Variants in MTMR10 observed in about 807,000 individuals in gnomAD.
MTMR10 encodes myotubularin-related protein 10.
MTMR10 carries 56 observed loss-of-function variants against 88.1 expected under a neutral mutation model. The observed-to-expected ratio is 0.64, with a 90% CI of 0.51 to 0.79. MTMR10 has a LOEUF of 0.79. MTMR10 is among the 30% of genes least tolerant of loss of function. The probability of loss-of-function intolerance (pLI) is 0.00; values close to 1 mark genes in which losing one functional copy is unlikely to be tolerated. For missense variants in MTMR10, 883 were observed against 924.7 expected, an observed-to-expected ratio of 0.95 and a Z score of 0.58; for synonymous variants, 380 against 340.9, an observed-to-expected ratio of 1.11 and a Z score of -1.26.
chr15:30,928,504 T>TTTTGTG, the MTMR10 span: 1 of 1,090,292 alleles, frequency 9.2e-7, no homozygotes, highest in Non-Finnish European at 1.2e-6. Context: ...ATAAAACAGA[T>TTTTGTG]TTTGTGTGTG....
At chr15:30,927,865 CCT>C in the MTMR10 span, 1 of 985,556 alleles carries the variant, frequency 1.0e-6, no homozygotes, top group Non-Finnish European at 1.2e-6. Context: ...CCAGACCCTG[CCT>C]CTGACTCTGT....
the MTMR10 span, among the ~76,000 whole-genome samples, chr15:30,931,752 A>G: frequency 0.23 from 34,670 of 151,944 alleles, 4,956 homozygotes; most frequent in African/African-American, 0.41. Context: ...GTCTGTTTCT[A>G]TATACTCTTC....
chr15:30,982,348 C>T (rs1037729608), intron 2 of MTMR10, among the ~76,000 whole-genome samples: 1 of 152,156 alleles, frequency 6.6e-6, no homozygotes, highest in African/African-American at 2.4e-5. Context: ...GTTACATAAG[C>T]TATTAACATT....
chr15:30,938,647 C>G (rs147026076), downstream of MTMR10, among the ~76,000 whole-genome samples: 53 of 152,226 alleles, frequency 3.5e-4, no homozygotes, highest in East Asian at 8.1e-3. Context: ...GGACTGGAAC[C>G]CCAGTCTGTC....
At chr15:30,937,376 TAC>T (rs1347728729), downstream of MTMR10, 43 of 956,700 alleles carry the variant, frequency 4.5e-5, 1 homozygote, top group Admixed American at 9.7e-4. Context: ...CTTGTCATTT[TAC>T]AGTGTCTGCA....
At chr15:30,924,473 T>A in the MTMR10 span, among the ~76,000 whole-genome samples, 1 of 152,214 alleles carries the variant, frequency 6.6e-6, no homozygotes, top group Admixed American at 6.5e-5. Context: ...GTTTCTGGTT[T>A]CTCTACCTCC....
At chr15:30,961,883 TG>T (rs948963325) in intron 6 of MTMR10, among the ~76,000 whole-genome samples, 5 of 152,166 alleles carry the variant, frequency 3.3e-5, no homozygotes, top group Non-Finnish European at 5.9e-5. Context: ...TCCCTAATTG[TG>T]GGGTAAGTCC....
At position 30,941,287 on chromosome 15, in the gene MTMR10, T is replaced by TACATCTCTCTTAAA; in HGVS notation, c.*169_*182dup. 6.6e-7 allele frequency: 1 copy of TACATCTCTCTTAAA among 1,507,334 alleles called. No homozygotes were observed. Among genetic ancestry groups the TACATCTCTCTTAAA allele is most frequent in the Non-Finnish European group, 8.9e-7 (1 of 1,129,536 alleles). The allele number at this position is 1,507,334 out of a possible 1,614,324, so 93.4% of individuals were successfully genotyped here. A position where few individuals can be genotyped will look rare whatever the true frequency, so the allele number is the denominator to read the frequency against. ...ACAGAAAGAGGACAGGAACAAAATT[T>TACATCTCTCTTAAA]ACATCTCTCTTAAAATAAGTGTGAA... On this transcript the variant is annotated 3_prime_UTR_variant, in exon 16 of 16. Coordinates refer to ENST00000435680, the MANE Select transcript of MTMR10 (RefSeq NM_017762.3).
At chr15:30,923,216 G>C in the MTMR10 span, among the ~76,000 whole-genome samples, 1 of 152,198 alleles carries the variant, frequency 6.6e-6, no homozygotes, top group Non-Finnish European at 1.5e-5. Context: ...ACGTATCAGG[G>C]AAAGAGCCAG....
chr15:30,974,475 T>C lies in MTMR10; in HGVS notation c.332-19A>G, dbSNP rs538025028. 2 of 1,497,354 alleles carry C rather than the reference T, an allele frequency of 1.3e-6. No individual in the cohort carries two copies. The highest frequency in any genetic ancestry group is 2.2e-5 in the Admixed American group (1 of 45,390). 92.8% of individuals were successfully genotyped at this position (1,497,354 alleles called of 1,614,324 possible). A position where few individuals can be genotyped will look rare whatever the true frequency, so the allele number is the denominator to read the frequency against. ...TCGTTTACTAAAAAAGAAAAAAAAA[T>C]AGAGAAAATAAAATGCGTAACAGTT... On this transcript the variant is annotated intron_variant, in intron 4 of 15. Transcript: ENST00000435680.
intron 6 of MTMR10, among the ~76,000 whole-genome samples, chr15:30,967,578 C>A (rs1459842944): frequency 6.6e-6 from 1 of 152,102 alleles, no homozygotes; most frequent in Non-Finnish European, 1.5e-5. Context: ...TAGTTTTCTG[C>A]CAGTTTTCTT....
At chr15:30,974,788 T>G (rs1354736341) in intron 4 of MTMR10, 143 bp downstream of exon 4, 3 of 525,726 alleles carry the variant, frequency 5.7e-6, no homozygotes, top group Middle Eastern at 7.8e-4. Context: ...ATATCCCTCT[T>G]TATGTTCCCG....
At chr15:30,969,337 C>T (rs902782824) in intron 5 of MTMR10, among the ~76,000 whole-genome samples, 7 of 152,182 alleles carry the variant, frequency 4.6e-5, no homozygotes, top group Middle Eastern at 3.4e-3. Context: ...CTTTCTATGA[C>T]GGTCCCACTT....
chr15:30,929,592 TA>T, the MTMR10 span, among the ~76,000 whole-genome samples: 6 of 125,200 alleles, frequency 4.8e-5, no homozygotes, highest in Admixed American at 9.1e-5. Flanking sequence ...TATTATATAT[TA>T]TATATTACAT....
chr15:30,990,597 A>G (rs1446859660), intron 2 of MTMR10, among the ~76,000 whole-genome samples, 180 bp downstream of exon 2: 1 of 152,236 alleles, frequency 6.6e-6, no homozygotes, highest in Non-Finnish European at 1.5e-5. Context: ...CGGGAGACAA[A>G]AAAGGAAATG....
Position 30,940,234 on chromosome 15 carries a change from C to G in MTMR10, c.*1236G>C. 1.0e-6 allele frequency: 1 copy of G among 985,222 alleles called. No homozygotes were observed. The highest frequency in any genetic ancestry group is 1.2e-6 in the Non-Finnish European group (1 of 829,888). The allele number at this position is 985,222 out of a possible 1,614,324, so 61.0% of individuals were successfully genotyped here. A position where few individuals can be genotyped will look rare whatever the true frequency, so the allele number is the denominator to read the frequency against. On this transcript the variant is annotated 3_prime_UTR_variant, in exon 16 of 16. Transcript: ENST00000435680. The stretch of plus-strand genomic sequence containing the variant: ...TGCTGTAAGAAGCTTCAGCTTTGAC[C>G]GCTACAGTGGTAGGTAGGCTCTTGT...
At chr15:30,929,990 T>C in the MTMR10 span, among the ~76,000 whole-genome samples, 19 of 132,106 alleles carry the variant, frequency 1.4e-4, no homozygotes, top group East Asian at 3.2e-3. Context: ...ATATATAAGA[T>C]ATCATATATA....
Position 30,957,629 on chromosome 15 carries a change from A to C in MTMR10, c.935+1234T>G, listed in dbSNP as rs189419162. Among the ~76,000 whole-genome samples, 17 of 152,262 alleles carry C rather than the reference A, an allele frequency of 1.1e-4. No homozygotes were observed. The East Asian group carries it at 3.3e-3, about 29-fold the overall frequency. On this transcript the variant is annotated intron_variant, in intron 9 of 15. Transcript: ENST00000435680. ...TCCCAGCTACTCAGGAGGCTGAGGC[A>C]TGATAATCACTTGAACCCGGGAGCC...
At chr15:30,988,987 CA>C (rs71420538) in intron 2 of MTMR10, among the ~76,000 whole-genome samples, 4,480 of 85,812 alleles carry the variant, frequency 0.052, 160 homozygotes, top group African/African-American at 0.15. Flanking sequence ...GACTCTGTCT[CA>C]AAAAAAAAAA....
Sources: allele counts gnomAD v4.1 joint callset (sites outside exome capture counted in the v4.1 genomes callset), GRCh38; gene constraint gnomAD v4.1.1; transcripts MANE v1.5; gene names NCBI Gene and HGNC (gene_info 2026-07-23, HGNC 2026-07-21).